The following TJP1 variants were observed in gnomAD, a reference collection of about 807,000 sequenced individuals.
TJP1 encodes tight junction protein ZO-1.
A neutral mutation model predicts 194.2 loss-of-function variants in TJP1; 43 were observed. That is an observed-to-expected ratio of 0.22 (90% confidence interval 0.17 to 0.29). The LOEUF (loss-of-function observed/expected upper bound fraction) is 0.29. Ranked by LOEUF, TJP1 falls within the 10% of genes least tolerant of loss-of-function variation. The pLI, the probability that TJP1 is intolerant of heterozygous loss-of-function variation, is 1.00. For missense variants in TJP1, 1,971 were observed against 2,185.7 expected (o/e 0.90, Z 1.96); for synonymous variants, 801 against 779.0 (o/e 1.03, Z -0.47).
intron 2 of TJP1, among the ~76,000 whole-genome samples, chr15:29,846,471 G>C (rs1180729095): frequency 1.3e-5 from 2 of 152,072 alleles, no homozygotes; most frequent in Non-Finnish European, 2.9e-5. Flanking sequence ...TTACACACAA[G>C]AGAAGGGAGA....
chr15:29,929,101 GA>G (rs998215809), intron 2 of TJP1, among the ~76,000 whole-genome samples: 45 of 151,738 alleles, frequency 3.0e-4, no homozygotes, highest in African/African-American at 9.2e-4. Flanking sequence ...TAAAGAAAAA[GA>G]AAAAATGCAA....
chr15:29,787,081 G>A (rs551989399), intron 2 of TJP1, among the ~76,000 whole-genome samples: 38 of 152,316 alleles, frequency 2.5e-4, no homozygotes, highest in African/African-American at 8.7e-4. Context: ...TCAGACAGCA[G>A]TTTGGAGCTG....
chr15:29,948,500 G>A (rs934451597), intron 2 of TJP1, among the ~76,000 whole-genome samples: 1 of 152,210 alleles, frequency 6.6e-6, no homozygotes, highest in East Asian at 1.9e-4. Flanking sequence ...ATAAGGTCCA[G>A]TGAGACAGAA....
At chr15:29,711,626 A>T (rs1436214632) in intron 23 of TJP1, among the ~76,000 whole-genome samples, 1 of 152,096 alleles carries the variant, frequency 6.6e-6, no homozygotes, top group Non-Finnish European at 1.5e-5. Flanking sequence ...TCTGCTTCTT[A>T]AAAGTGCTGG....
intron 15 of TJP1, 196 bp from the exon 16 acceptor site, chr15:29,728,215 T>G (rs549968588): frequency 2.2e-6 from 1 of 453,986 alleles, no homozygotes; most frequent in East Asian, 3.4e-5. Flanking sequence ...TTTCAACTAC[T>G]TTAATATTCT....
intron 2 of TJP1, among the ~76,000 whole-genome samples, chr15:29,837,864 G>A (rs905043089): frequency 4.6e-5 from 7 of 152,076 alleles, no homozygotes; most frequent in African/African-American, 9.7e-5. Context: ...CTTCTCAAGC[G>A]CACAATACAC....
chr15:29,909,031 C>T (rs1050186726), intron 2 of TJP1, among the ~76,000 whole-genome samples: 8 of 151,944 alleles, frequency 5.3e-5, no homozygotes, highest in Admixed American at 2.6e-4. Flanking sequence ...GTGGTGGGCG[C>T]CTGTAGTCCC....
At chr15:29,863,070 G>A (rs953897139) in intron 2 of TJP1, among the ~76,000 whole-genome samples, 3 of 151,586 alleles carry the variant, frequency 2.0e-5, no homozygotes, top group Admixed American at 6.6e-5. Flanking sequence ...CAAGGTGGGC[G>A]GATTCCCTGA....
chr15:29,711,012 T>C lies in TJP1; in HGVS notation c.4203-12A>G. 6.4e-7 allele frequency: 1 copy of C among 1,558,518 alleles called. No homozygotes were observed. The highest frequency in any genetic ancestry group is 8.7e-7 in the Non-Finnish European group (1 of 1,149,404). ...CAGGAGGCTTTCCCCTGTTAACAAA[T>C]GAAGAAAATGCCAACACCTGAAAAT... On this transcript the variant is annotated splice_polypyrimidine_tract_variant and intron_variant, in intron 23 of 27. Coordinates refer to ENST00000614355, the MANE Select transcript of TJP1 (RefSeq NM_001330239.4).
intron 2 of TJP1, among the ~76,000 whole-genome samples, chr15:29,850,675 C>CAATA (rs889152888): frequency 6.6e-6 from 1 of 150,398 alleles, no homozygotes; most frequent in African/African-American, 2.4e-5. Flanking sequence ...TGTTATATAG[C>CAATA]AATAAATAAA....
intron 1 of TJP1, among the ~76,000 whole-genome samples, chr15:29,813,089 C>A (rs2049643259): frequency 6.6e-6 from 1 of 152,122 alleles, no homozygotes; most frequent in Non-Finnish European, 1.5e-5. Context: ...AAGGCAGACT[C>A]ATTTTTGCCA....
intron 2 of TJP1, among the ~76,000 whole-genome samples, chr15:29,937,091 ATTCT>A (rs565237724): frequency 2.0e-5 from 3 of 152,222 alleles, no homozygotes; most frequent in Non-Finnish European, 4.4e-5. Context: ...AATTTACACA[ATTCT>A]TTCAGTGGTT....
At chr15:29,916,471 G>A (rs1157657940) in intron 2 of TJP1, among the ~76,000 whole-genome samples, 3 of 151,722 alleles carry the variant, frequency 2.0e-5, no homozygotes, top group Non-Finnish European at 4.4e-5. Context: ...ATTCACTGGA[G>A]GCTAACATCA....
intron 8 of TJP1, among the ~76,000 whole-genome samples, chr15:29,756,964 C>A (rs1197220431): frequency 6.6e-6 from 1 of 152,176 alleles, no homozygotes; most frequent in Non-Finnish European, 1.5e-5. Flanking sequence ...ACTATTATTA[C>A]TACTATGAAT....
At chr15:29,824,625 A>C (rs187817194), upstream of TJP1, among the ~76,000 whole-genome samples, 11 of 152,320 alleles carry the variant, frequency 7.2e-5, no homozygotes, top group African/African-American at 2.2e-4. Flanking sequence ...AGGTTTGGGA[A>C]GTATTTTTTA....
intron 2 of TJP1, chr15:29,800,415 CTTT>C (rs2048706543): frequency 1.9e-6 from 1 of 521,534 alleles, no homozygotes; most frequent in Non-Finnish European, 3.3e-6. Flanking sequence ...AAGCAAATCA[CTTT>C]TTAAGTCAGG....
chr15:29,912,907 G>A (rs1481287877), intron 2 of TJP1, among the ~76,000 whole-genome samples: 3 of 152,102 alleles, frequency 2.0e-5, no homozygotes, highest in South Asian at 2.1e-4. Context: ...AATTTCATAC[G>A]GTTTAACTTA....
chr15:29,844,617 C>T (rs1049543734), intron 2 of TJP1, among the ~76,000 whole-genome samples: 1 of 151,930 alleles, frequency 6.6e-6, no homozygotes, highest in South Asian at 2.1e-4. Context: ...TTTATCTGAG[C>T]AACTAGAAGG....
chr15:29,761,748 T>C lies in TJP1; in HGVS notation c.715A>G (p.Asn239Asp). ...GTCTTTGCATCTGTCAATGACATATTTTCTGTCACAGTACCATTTATCTGC... is the reference window on the plus strand; with the variant it reads ...GTCTTTGCATCTGTCAATGACATATCTTCTGTCACAGTACCATTTATCTGC... ...VLKINGTVTE[N>D]MSLTDAKTLI... Residue 239 changes from asparagine (N) to aspartate (D), a missense_variant, in exon 7 of 28, where the codon AAT becomes GAT. Transcript: ENST00000614355. 1 of 1,573,542 alleles carries C rather than the reference T, an allele frequency of 6.4e-7. No homozygotes were observed.
Sources: allele counts gnomAD v4.1 joint callset (sites outside exome capture counted in the v4.1 genomes callset), GRCh38; gene constraint gnomAD v4.1.1; transcripts MANE v1.5; gene names NCBI Gene and HGNC (gene_info 2026-07-23, HGNC 2026-07-21).